CD5L: variants seen among roughly 807,000 people sequenced by gnomAD.
The protein encoded by CD5L is CD5 molecule like.
CD5L carries 39 observed loss-of-function variants against 40.8 expected under a neutral mutation model. The observed-to-expected ratio is 0.96, with a 90% CI of 0.74 to 1.25. CD5L has a LOEUF of 1.25. Among genes scored for constraint, CD5L ranks in the 50% most tolerant of loss-of-function variants. The pLI, the probability that CD5L is intolerant of heterozygous loss-of-function variation, is 0.00. For missense variants in CD5L, 433 were observed against 435.9 expected, an observed-to-expected ratio of 0.99 and a Z score of 0.06; for synonymous variants, 192 against 169.6, an observed-to-expected ratio of 1.13 and a Z score of -1.03.
At position 157,834,500 on chromosome 1, in the gene CD5L, A is replaced by G. The variant is rs1221726123; in HGVS notation, c.625T>C (p.Ser209Pro). The G allele has an allele frequency of 1.2e-6, 2 of 1,614,086 alleles. No homozygotes were observed. Among genetic ancestry groups the G allele is most frequent in the Non-Finnish European group, 1.7e-6 (2 of 1,180,046 alleles). Reference sequence around the variant, plus strand: ...TCCTGAAGGGTTGCTTCTCGTCCTGAGCATGACATCTGGCTCAGCCAGATG... The same window carrying G: ...TCCTGAAGGGTTGCTTCTCGTCCTGGGCATGACATCTGGCTCAGCCAGATG... Reference protein sequence around the residue: ...KPIWLSQMSCSGREATLQDCP... With the variant: ...KPIWLSQMSCPGREATLQDCP... Residue 209 changes from serine (S) to proline (P), a missense_variant, in exon 4 of 6, where the codon TCA (serine) becomes CCA (proline). Transcript: ENST00000368174.
intron 3 of CD5L, among the ~76,000 whole-genome samples, 156 bp from the exon 4 acceptor site, chr1:157,834,904 A>C (rs942982196): frequency 2.0e-5 from 3 of 152,252 alleles, no homozygotes; most frequent in Non-Finnish European, 4.4e-5. Context: ...GAAAGAATGA[A>C]TGAGGGAATC....
At position 157,831,797 on chromosome 1, in the gene CD5L, C is replaced by T; in HGVS notation, c.*167G>A. 7.5e-7 allele frequency: 1 copy of T among 1,329,860 alleles called. No homozygotes were observed. Among genetic ancestry groups the T allele is most frequent in the Non-Finnish European group, 9.7e-7 (1 of 1,035,082 alleles). The allele number at this position is 1,329,860 out of a possible 1,614,324, so 82.4% of individuals were successfully genotyped here. A position where few individuals can be genotyped will look rare whatever the true frequency, so the allele number is the denominator to read the frequency against. On this transcript the variant is annotated 3_prime_UTR_variant, in exon 6 of 6. Coordinates refer to ENST00000368174, the MANE Select transcript of CD5L (RefSeq NM_005894.3). ...CATCTACAGGCAGCAATGGGGGCTG[C>T]TTGTCCCTGAGAGTAAGGCATAAGC...
At position 157,831,831 on chromosome 1, in the gene CD5L, C is replaced by G; in HGVS notation, c.*133G>C. 1.4e-6 allele frequency: 2 copies of G among 1,417,696 alleles called. No individual in the cohort carries two copies. Among genetic ancestry groups the G allele is most frequent in the Non-Finnish European group, 1.8e-6 (2 of 1,084,356 alleles). 87.8% of individuals were successfully genotyped at this position (1,417,696 alleles called of 1,614,324 possible). A position where few individuals can be genotyped will look rare whatever the true frequency, so the allele number is the denominator to read the frequency against. On this transcript the variant is annotated 3_prime_UTR_variant, in exon 6 of 6. Transcript: ENST00000368174. ...GAGAGTAAGGCATAAGCCCAGTGTT[C>G]AGACTCCTGAGGGGATGAGGGAGTA...
At chr1:157,835,360 T>G (rs1285568690) in intron 3 of CD5L, among the ~76,000 whole-genome samples, 1 of 152,250 alleles carries the variant, frequency 6.6e-6, no homozygotes, top group South Asian at 2.1e-4. Context: ...TCTATGTATC[T>G]TTCTATCATC....
At chr1:157,828,268 C>G (rs1224705119), downstream of CD5L, among the ~76,000 whole-genome samples, 2 of 152,166 alleles carry the variant, frequency 1.3e-5, no homozygotes, top group Non-Finnish European at 2.9e-5. Flanking sequence ...ACCCAGTAGT[C>G]AATTCATCTT....
At chr1:157,837,926 C>G (rs930983391) in intron 2 of CD5L, among the ~76,000 whole-genome samples, 1 of 152,024 alleles carries the variant, frequency 6.6e-6, no homozygotes, top group African/African-American at 2.4e-5. Context: ...CAGGCGCCAG[C>G]CACCACACCT....
At chr1:157,828,760 T>C (rs1305795788), downstream of CD5L, among the ~76,000 whole-genome samples, 3 of 152,226 alleles carry the variant, frequency 2.0e-5, no homozygotes, top group Non-Finnish European at 4.4e-5. Context: ...AATCTGCACC[T>C]AAGTCCTTGT....
chr1:157,835,989 A>G lies in CD5L; in HGVS notation c.222T>C (p.Pro74=). ...CTGGTGGCTCATACAAAATACCACT[A>G]GGGGTTCCGCTGGCAGCTCCACAGC... ...ELGCGAASGT[P]SGILYEPPAE... The change falls in exon 3 of 6, where the codon CCT becomes CCC. Residue 74 remains proline, a synonymous_variant. Coordinates refer to ENST00000368174, the MANE Select transcript of CD5L (RefSeq NM_005894.3). 5.6e-6 allele frequency: 9 copies of G among 1,614,178 alleles called. No individual in the cohort carries two copies. The highest frequency in any genetic ancestry group is 6.8e-6 in the Non-Finnish European group (8 of 1,180,032).
downstream of CD5L, among the ~76,000 whole-genome samples, chr1:157,829,601 T>C (rs1368384970): frequency 6.6e-6 from 1 of 152,230 alleles, no homozygotes; most frequent in African/African-American, 2.4e-5. Context: ...CCTTATCTTT[T>C]CAGATCCATA....
At chr1:157,827,266 G>C (rs895905834), downstream of CD5L, among the ~76,000 whole-genome samples, 5 of 95,492 alleles carry the variant, frequency 5.2e-5, no homozygotes, top group Non-Finnish European at 8.5e-5. Flanking sequence ...GACAAATGGT[G>C]TATGTGTGTG....
At chr1:157,832,860 G>A (rs1050650535) in intron 5 of CD5L, among the ~76,000 whole-genome samples, 5 of 152,216 alleles carry the variant, frequency 3.3e-5, no homozygotes, top group African/African-American at 1.2e-4. Context: ...TATTTTCTCC[G>A]ACTCTCACTT....
Position 157,831,845 on chromosome 1 carries a change from G to C in CD5L, c.*119C>G. Reference sequence around the variant, plus strand: ...AGCCCAGTGTTCAGACTCCTGAGGGGATGAGGGAGTAGTGGCTCAAGCCTG... The same window carrying C: ...AGCCCAGTGTTCAGACTCCTGAGGGCATGAGGGAGTAGTGGCTCAAGCCTG... On this transcript the variant is annotated 3_prime_UTR_variant, in exon 6 of 6. Coordinates refer to ENST00000368174, the MANE Select transcript of CD5L (RefSeq NM_005894.3). The C allele has an allele frequency of 6.9e-7, 1 of 1,455,008 alleles. No individual in the cohort carries two copies. The highest frequency in any genetic ancestry group is 9.0e-7 in the Non-Finnish European group (1 of 1,106,092). The allele number at this position is 1,455,008 out of a possible 1,614,324, so 90.1% of individuals were successfully genotyped here.
downstream of CD5L, among the ~76,000 whole-genome samples, chr1:157,829,622 T>C (rs891099359): frequency 1.3e-5 from 2 of 152,250 alleles, no homozygotes; most frequent in Non-Finnish European, 2.9e-5. Context: ...AACATGATGT[T>C]ATAAATGCAA....
At chr1:157,829,205 G>A (rs1340681627), downstream of CD5L, among the ~76,000 whole-genome samples, 2 of 152,232 alleles carry the variant, frequency 1.3e-5, no homozygotes, top group African/African-American at 4.8e-5. Context: ...AGGCATTTAA[G>A]TCTAAGTAAG....
At position 157,830,968 on chromosome 1, in the gene CD5L, TATA is replaced by T. The variant is rs1033343658; in HGVS notation, c.*993_*995del. On this transcript the variant is annotated 3_prime_UTR_variant, in exon 6 of 6. Coordinates refer to ENST00000368174, the MANE Select transcript of CD5L (RefSeq NM_005894.3). ...AAGTGTAAATGTGTAAATGTAGCCG[TATA>T]ATAAGTACTCAGCCTAGCCTCAGAA... is the stretch of plus-strand genomic sequence containing the variant. The T allele has an allele frequency of 2.2e-5, 22 of 985,198 alleles. No homozygotes were observed. Among genetic ancestry groups the T allele is most frequent in the South Asian group, 1.4e-4 (3 of 21,288 alleles). 61.0% of individuals were successfully genotyped at this position (985,198 alleles called of 1,614,324 possible).
intron 4 of CD5L, 86 bp downstream of exon 4, chr1:157,834,321 A>T: frequency 9.0e-7 from 1 of 1,116,566 alleles, no homozygotes; most frequent in Non-Finnish European, 1.3e-6. Context: ...TTGGTGCGTT[A>T]GTAGCTCTTT....
intron 5 of CD5L, 41 bp from the exon 6 acceptor site, chr1:157,832,009 T>G: frequency 6.9e-7 from 1 of 1,449,498 alleles, no homozygotes; most frequent in Non-Finnish European, 9.4e-7. Context: ...ATGGGTATAG[T>G]CCAGGAAGGA....
Position 157,831,782 on chromosome 1 carries a change from C to G in CD5L, c.*182G>C. 1.5e-6 allele frequency: 2 copies of G among 1,310,828 alleles called. No homozygotes were observed. The highest frequency in any genetic ancestry group is 2.0e-6 in the Non-Finnish European group (2 of 1,024,714). 81.2% of individuals were successfully genotyped at this position (1,310,828 alleles called of 1,614,324 possible). ...GAACTCAACAGCTCACATCTACAGG[C>G]AGCAATGGGGGCTGCTTGTCCCTGA... On this transcript the variant is annotated 3_prime_UTR_variant, in exon 6 of 6. Coordinates refer to ENST00000368174, the MANE Select transcript of CD5L (RefSeq NM_005894.3).
In CD5L at chr1:157,831,608, AG is replaced by A; in HGVS notation, c.*355del. On this transcript the variant is annotated 3_prime_UTR_variant, in exon 6 of 6. Coordinates refer to ENST00000368174, the MANE Select transcript of CD5L (RefSeq NM_005894.3). ...CTAGATTAGTAATGTTTGCAGACAT[AG>A]ACCTTAGTAATGGTCTGCACATCTG... 1 of 1,085,350 alleles carries A rather than the reference AG, an allele frequency of 9.2e-7. No individual in the cohort carries two copies. The highest frequency in any genetic ancestry group is 1.1e-6 in the Non-Finnish European group (1 of 895,174). 67.2% of individuals were successfully genotyped at this position (1,085,350 alleles called of 1,614,324 possible).
Sources: gnomAD v4.1 joint callset for allele counts (sites outside exome capture counted in the v4.1 genomes callset) on GRCh38, gnomAD v4.1.1 for gene constraint, MANE v1.5 for transcripts, NCBI Gene and HGNC (gene_info 2026-07-23, HGNC 2026-07-21) for gene names.